The following ANG variants were observed in gnomAD, a reference collection of about 807,000 sequenced individuals.
ANG encodes the protein angiogenin.
For missense variants in ANG, 178 were observed against 187.4 expected, an observed-to-expected ratio of 0.95 and a Z score of 0.29; for synonymous variants, 74 against 73.8, an observed-to-expected ratio of 1.00 and a Z score of -0.02.
rs1427626360 is a variant in ANG at position 20,693,038 on chromosome 14, G to A, written c.-18-509G>A. On this transcript the variant is annotated intron_variant, in intron 1 of 1. Transcript: ENST00000397990. ...AATTTTTTGTATTTTTAGTAGAGAC[G>A]GGGTTTCACCGTGGTAGCCAGGATG... Among the ~76,000 whole-genome samples, 6 of 151,550 alleles carry A rather than the reference G, an allele frequency of 4.0e-5. No individual in the cohort carries two copies. The South Asian group carries it at 8.4e-4, about 21-fold the overall frequency.
rs544578047 is a variant in ANG, at chr14:20,693,659, A to G, written c.95A>G (p.His32Arg). Reference sequence around the variant, plus strand: ...GCTCAGGATAACTCCAGGTACACACACTTCCTGACCCAGCACTATGATGCC... The same window carrying G: ...GCTCAGGATAACTCCAGGTACACACGCTTCCTGACCCAGCACTATGATGCC... Reference protein sequence around the residue: ...TLAQDNSRYTHFLTQHYDAKP... With the variant: ...TLAQDNSRYTRFLTQHYDAKP... Residue 32 changes from histidine (H) to arginine (R), a missense_variant, in exon 2 of 2, where the codon CAC (histidine) becomes CGC (arginine). Coordinates refer to ENST00000397990, the MANE Select transcript of ANG (RefSeq NM_001097577.3). 6.2e-7 allele frequency: 1 copy of G among 1,614,164 alleles called. No homozygotes were observed. The highest frequency in any genetic ancestry group is 1.7e-5 in the Admixed American group (1 of 60,022).
upstream of ANG, among the ~76,000 whole-genome samples, chr14:20,686,460 T>C (rs1033107994): frequency 6.6e-6 from 1 of 152,248 alleles, no homozygotes; most frequent in Non-Finnish European, 1.5e-5. Flanking sequence ...TGAAGGTCAG[T>C]GAAACCTTTC....
upstream of ANG, chr14:20,684,463 C>G (rs1160869695): frequency 6.6e-6 from 1 of 152,348 alleles, no homozygotes; most frequent in Non-Finnish European, 1.5e-5. Flanking sequence ...GCTGCGGCGC[C>G]AGCTCCAAGG....
intron 1 of ANG, among the ~76,000 whole-genome samples, chr14:20,693,276 T>C (rs562891168): frequency 6.6e-6 from 1 of 152,368 alleles, no homozygotes; most frequent in East Asian, 1.9e-4. Context: ...TTTGTAATGT[T>C]ACGACTGATA....
At chr14:20,689,668 G>A (rs1181294723) in intron 1 of ANG, among the ~76,000 whole-genome samples, 4 of 152,148 alleles carry the variant, frequency 2.6e-5, no homozygotes, top group Admixed American at 6.5e-5. Flanking sequence ...TGTAATCCCC[G>A]CACTTTGGGA....
chr14:20,685,921 C>T (rs2319382), upstream of ANG, among the ~76,000 whole-genome samples: 65,364 of 151,450 alleles, frequency 0.43, 14,121 homozygotes, highest in Middle Eastern at 0.52. Flanking sequence ...GCACCTGTAA[C>T]CCCAGCTACT....
Position 20,693,622 on chromosome 14 carries a change from C to G in ANG, c.58C>G (p.Pro20Ala). 1 of 1,614,008 alleles carries G rather than the reference C, an allele frequency of 6.2e-7. No homozygotes were observed. The highest frequency in any genetic ancestry group is 8.5e-7 in the Non-Finnish European group (1 of 1,180,034). The change falls in exon 2 of 2, where the codon CCA becomes GCA. Residue 20 changes from proline (P) to alanine (A), a missense_variant. Pro to Ala is a conservative substitution (Grantham distance 27). Transcript: ENST00000397990. ...CTTCGTGCTGGGTCTGGGTCTGACC[C>G]CACCGACCCTGGCTCAGGATAACTC... ...LVFVLGLGLT[P>A]PTLAQDNSRY...
At chr14:20,686,848 A>C (rs532667850), upstream of ANG, among the ~76,000 whole-genome samples, 61 of 152,360 alleles carry the variant, frequency 4.0e-4, no homozygotes, top group Non-Finnish European at 6.5e-4. Context: ...CATTCTTCCC[A>C]TCATCTAATT....
In ANG at chr14:20,688,829, C is replaced by T; in HGVS notation, c.-64C>T. 1.0e-6 allele frequency: 1 copy of T among 985,370 alleles called. No homozygotes were observed. Among genetic ancestry groups the T allele is most frequent in the Non-Finnish European group, 1.2e-6 (1 of 829,920 alleles). 61.0% of individuals were successfully genotyped at this position (985,370 alleles called of 1,614,324 possible). On this transcript the variant is annotated 5_prime_UTR_variant, in exon 1 of 2. Transcript: ENST00000397990. ...GGAACAAACAGCTGGAACCCATCTC[C>T]CGTTGAAGGGAAACTGCCAGATTTT...
At chr14:20,689,155 CG>C (rs2139005827) in intron 1 of ANG, among the ~76,000 whole-genome samples, 1 of 152,312 alleles carries the variant, frequency 6.6e-6, no homozygotes, top group Admixed American at 6.5e-5. Context: ...TGAAGGCCAT[CG>C]GGAGTCCTCC....
intron 1 of ANG, among the ~76,000 whole-genome samples, chr14:20,693,049 G>T (rs1004168646): frequency 1.3e-5 from 2 of 151,580 alleles, no homozygotes; most frequent in South Asian, 2.1e-4. Flanking sequence ...GGGTTTCACC[G>T]TGGTAGCCAG....
At chr14:20,693,421 T>G in intron 1 of ANG, 126 bp from the exon 2 acceptor site, 7 of 1,246,760 alleles carry the variant, frequency 5.6e-6, no homozygotes, top group Non-Finnish European at 8.0e-6. Flanking sequence ...GAAAATAGAA[T>G]ATAAAATTTG....
Position 20,693,824 on chromosome 14 carries a change from A to G in ANG, c.260A>G (p.Asn87Ser). The G allele has an allele frequency of 6.2e-7, 1 of 1,614,196 alleles. No homozygotes were observed. Among genetic ancestry groups the G allele is most frequent in the Non-Finnish European group, 8.5e-7 (1 of 1,180,034 alleles). Reference protein sequence around the residue: ...IKAICENKNGNPHRENLRISK... With the variant: ...IKAICENKNGSPHRENLRISK... ...GCCATCTGTGAAAACAAGAATGGAAACCCTCACAGAGAAAACCTAAGAATA... is the reference window on the plus strand; with the variant it reads ...GCCATCTGTGAAAACAAGAATGGAAGCCCTCACAGAGAAAACCTAAGAATA... The change falls in exon 2 of 2, where the codon AAC becomes AGC. Residue 87 changes from asparagine (N) to serine (S), a missense_variant. Transcript: ENST00000397990.
upstream of ANG, chr14:20,684,591 A>T (rs1167649483): frequency 6.6e-6 from 1 of 152,358 alleles, no homozygotes; most frequent in Admixed American, 6.5e-5. Flanking sequence ...GTGTACACAC[A>T]CTCACACAAG....
At chr14:20,684,268 C>T (rs900805026), upstream of ANG, 2 of 152,282 alleles carry the variant, frequency 1.3e-5, no homozygotes, top group African/African-American at 2.4e-5. Flanking sequence ...CCTGGACGCT[C>T]AGCCAGGGGT....
Position 20,693,950 on chromosome 14 carries a change from T to TTGC in ANG, c.388_390dup (p.Ala130dup), listed in dbSNP as rs1264159002. The TTGC allele has an allele frequency of 6.2e-7, 1 of 1,614,114 alleles. No individual in the cohort carries two copies. The highest frequency in any genetic ancestry group is 1.7e-5 in the Admixed American group (1 of 60,016). ...ACAGCGGGGTTCAGAAACGTTGTTG[T>TTGC]TGCTTGTGAAAATGGCTTACCTGTC... is the stretch of plus-strand genomic sequence containing the variant. On this transcript the variant is annotated inframe_insertion, in exon 2 of 2. Transcript: ENST00000397990.
intron 1 of ANG, among the ~76,000 whole-genome samples, chr14:20,692,331 C>A (rs1886802490): frequency 6.6e-6 from 1 of 152,196 alleles, no homozygotes; most frequent in Non-Finnish European, 1.5e-5. Flanking sequence ...GGTCTGCTTC[C>A]CTTCAACTCA....
upstream of ANG, chr14:20,688,685 C>T (rs1886542828): frequency 1.0e-6 from 1 of 985,108 alleles, no homozygotes; most frequent in African/African-American, 1.7e-5. Context: ...CTCGTTTGTT[C>T]AAGAGCAGTG....
upstream of ANG, among the ~76,000 whole-genome samples, chr14:20,688,172 A>G (rs1486702424): frequency 6.6e-6 from 1 of 152,176 alleles, no homozygotes; most frequent in Non-Finnish European, 1.5e-5. Flanking sequence ...CCCAGGAAAC[A>G]TGGCAAGCCT....
Sources: gnomAD v4.1 joint callset for allele counts (sites outside exome capture counted in the v4.1 genomes callset) on GRCh38, gnomAD v4.1.1 for gene constraint, MANE v1.5 for transcripts, NCBI Gene and HGNC (gene_info 2026-07-23, HGNC 2026-07-21) for gene names.